The following FMNL2 variants were observed in gnomAD, a reference collection of about 807,000 sequenced individuals.
The protein encoded by FMNL2 is formin-like protein 2.
Under a neutral mutation model 130.2 loss-of-function variants are expected in FMNL2, and 51 were observed. The ratio of observed to expected loss-of-function variants is 0.39; its 90% CI spans 0.31 to 0.49. The LOEUF is 0.49. FMNL2 is among the 20% of genes least tolerant of loss of function. The pLI is 0.85. For missense variants in FMNL2, 977 were observed against 1,316.2 expected (o/e 0.74, Z 3.99); for synonymous variants, 465 against 467.1 (o/e 1.00, Z 0.06).
chr2:152,548,834 T>G (rs1694789626), intron 3 of FMNL2, among the ~76,000 whole-genome samples, 187 bp from the exon 4 acceptor site: 1 of 152,194 alleles, frequency 6.6e-6, no homozygotes, highest in Non-Finnish European at 1.5e-5. Flanking sequence ...AAGGACTTTT[T>G]GTAGTCCTTT....
intron 1 of FMNL2, among the ~76,000 whole-genome samples, chr2:152,488,150 T>C (rs1442061911): frequency 6.6e-6 from 1 of 152,240 alleles, no homozygotes; most frequent in African/African-American, 2.4e-5. Flanking sequence ...TACTGTGAAA[T>C]GAATAGGCCC....
At position 152,590,085 on chromosome 2, in the gene FMNL2, T is replaced by C. The variant is rs576211928; in HGVS notation, c.876+9036T>C. Among the ~76,000 whole-genome samples the C allele has an allele frequency of 4.7e-5, 7 of 149,356 alleles. No individual in the cohort carries two copies. The East Asian group carries it at 1.2e-3, about 25-fold the overall frequency. ...ATTTCTTGTGGAGACAAGATCTTGC[T>C]ATGTTGCCCAGGCTCATTTTGAACT... On this transcript the variant is annotated intron_variant, in intron 9 of 25. Transcript: ENST00000288670.
chr2:152,495,133 C>T (rs1324782810), intron 1 of FMNL2, among the ~76,000 whole-genome samples: 2 of 151,948 alleles, frequency 1.3e-5, no homozygotes, highest in South Asian at 2.1e-4. Context: ...TATTACAAAG[C>T]CTGAATATGT....
chr2:152,620,939 C>T (rs2105901253), intron 15 of FMNL2: 2 of 985,416 alleles, frequency 2.0e-6, no homozygotes, highest in East Asian at 1.1e-4. Context: ...TCAAGATCTT[C>T]CCCGTCTACC....
At chr2:152,623,429 A>C (rs547496512) in intron 15 of FMNL2, among the ~76,000 whole-genome samples, 2 of 152,122 alleles carry the variant, frequency 1.3e-5, no homozygotes, top group African/African-American at 4.8e-5. Context: ...CAAAGGTGTC[A>C]TGTTTGGTGG....
At chr2:152,423,720 T>C (rs1687034270) in intron 1 of FMNL2, among the ~76,000 whole-genome samples, 1 of 152,170 alleles carries the variant, frequency 6.6e-6, no homozygotes, top group Admixed American at 6.5e-5. Context: ...ACTTTTGCTT[T>C]CTATATTGGA....
intron 25 of FMNL2, among the ~76,000 whole-genome samples, chr2:152,645,831 G>A (rs1039409109): frequency 6.6e-6 from 1 of 152,108 alleles, no homozygotes; most frequent in African/African-American, 2.4e-5. Context: ...GATCTGAAGC[G>A]ACTGAAAGCA....
At chr2:152,392,064 A>T (rs1007051801) in intron 1 of FMNL2, among the ~76,000 whole-genome samples, 2 of 152,018 alleles carry the variant, frequency 1.3e-5, no homozygotes, top group Non-Finnish European at 2.9e-5. Flanking sequence ...TCAAATTTTT[A>T]TGCTATTTTC....
chr2:152,533,219 TA>T (rs918385865), intron 2 of FMNL2, among the ~76,000 whole-genome samples: 1 of 152,232 alleles, frequency 6.6e-6, no homozygotes, highest in Admixed American at 6.5e-5. Flanking sequence ...TTTTAGTCTA[TA>T]ATCTATTTTG....
intron 1 of FMNL2, among the ~76,000 whole-genome samples, chr2:152,497,519 C>T (rs948611587): frequency 1.3e-5 from 2 of 152,142 alleles, no homozygotes; most frequent in African/African-American, 4.8e-5. Flanking sequence ...GAAAAGTATG[C>T]TCAGAAGGTG....
intron 22 of FMNL2, 59 bp downstream of exon 22, chr2:152,636,649 G>A: frequency 1.3e-6 from 2 of 1,505,896 alleles, no homozygotes; most frequent in East Asian, 2.5e-5. Context: ...GCTGCCTGTG[G>A]TGCAGGCCCT....
intron 25 of FMNL2, 31 bp downstream of exon 25, chr2:152,640,945 G>A (rs201472682): frequency 6.2e-7 from 1 of 1,612,118 alleles, no homozygotes; most frequent in African/African-American, 1.3e-5. Flanking sequence ...GTGGCCCATG[G>A]AGATCCCACT....
Position 152,558,752 on chromosome 2 carries a change from A to T in FMNL2, c.372A>T (p.Glu124Asp). Reference sequence around the variant, plus strand: ...TTTTCCCCAACAGATGGGTCAGAGAATTTCTGAATGAAGAAAACAAAGGTC... The same window carrying T: ...TTTTCCCCAACAGATGGGTCAGAGATTTTCTGAATGAAGAAAACAAAGGTC... ...LRTNHIGWVR[E>D]FLNEENKGLD... The change falls in exon 5 of 26, where the codon GAA becomes GAT. Residue 124 changes from glutamate to aspartate, a missense_variant. Glu to Asp is a conservative substitution (Grantham distance 45). Transcript: ENST00000288670. The T allele has an allele frequency of 6.2e-7, 1 of 1,612,624 alleles. No individual in the cohort carries two copies. Among genetic ancestry groups the T allele is most frequent in the Non-Finnish European group, 8.5e-7 (1 of 1,179,492 alleles).
intron 4 of FMNL2, among the ~76,000 whole-genome samples, chr2:152,549,349 C>A (rs180966492): frequency 6.6e-4 from 101 of 152,324 alleles, no homozygotes; most frequent in African/African-American, 2.3e-3. Flanking sequence ...AATATGGACA[C>A]TTGGTTTCAT....
chr2:152,601,815 G>T (rs934670346), intron 9 of FMNL2, among the ~76,000 whole-genome samples: 1 of 151,530 alleles, frequency 6.6e-6, no homozygotes, highest in African/African-American at 2.4e-5. Context: ...GATTACAGGC[G>T]CCCGCCACCA....
intron 1 of FMNL2, among the ~76,000 whole-genome samples, chr2:152,372,555 G>A (rs1683946282): frequency 6.6e-6 from 1 of 152,158 alleles, no homozygotes; most frequent in Non-Finnish European, 1.5e-5. Flanking sequence ...TTATTCTTGG[G>A]ATGCTTTCTG....
intron 1 of FMNL2, among the ~76,000 whole-genome samples, chr2:152,368,091 G>A (rs1404412128): frequency 3.3e-5 from 5 of 152,148 alleles, no homozygotes; most frequent in African/African-American, 1.2e-4. Flanking sequence ...GAGCCCTTTT[G>A]CTGAAGTTCA....
At chr2:152,583,018 T>C (rs930447080) in intron 9 of FMNL2, among the ~76,000 whole-genome samples, 1 of 152,234 alleles carries the variant, frequency 6.6e-6, no homozygotes, top group Non-Finnish European at 1.5e-5. Flanking sequence ...TTATGCATAG[T>C]AGGCCCACAG....
At chr2:152,557,878 T>C (rs1395960201) in intron 4 of FMNL2, among the ~76,000 whole-genome samples, 1 of 152,190 alleles carries the variant, frequency 6.6e-6, no homozygotes, top group African/African-American at 2.4e-5. Context: ...TTATTATTTG[T>C]TGGAGTTTGA....
Sources: allele counts gnomAD v4.1 joint callset (sites outside exome capture counted in the v4.1 genomes callset), GRCh38; gene constraint gnomAD v4.1.1; transcripts MANE v1.5; gene names NCBI Gene and HGNC (gene_info 2026-07-23, HGNC 2026-07-21).